The following SAXO1 variants were observed in gnomAD, a reference collection of about 807,000 sequenced individuals.
SAXO1 encodes stabilizer of axonemal microtubules 1.
A neutral mutation model predicts 17.5 loss-of-function variants in SAXO1; 21 were observed. The ratio of observed to expected loss-of-function variants is 1.20; its 90% CI spans 0.85 to 1.72. SAXO1 has a LOEUF of 1.72. Ranked by LOEUF, SAXO1 falls within the 40% of genes most tolerant of loss-of-function variation. SAXO1 has a pLI of 0.00. For missense variants in SAXO1, 843 were observed against 596.0 expected, an observed-to-expected ratio of 1.41 and a Z score of -4.32; for synonymous variants, 274 against 216.5, an observed-to-expected ratio of 1.27 and a Z score of -2.33.
At chr9:19,044,484 A>G (rs1459634883) in intron 1 of SAXO1, among the ~76,000 whole-genome samples, 1 of 152,208 alleles carries the variant, frequency 6.6e-6, no homozygotes, top group African/African-American at 2.4e-5. Flanking sequence ...TGGCAAGAAC[A>G]AAAAATGGGG....
chr9:19,023,861 G>A (rs180882839), intron 1 of SAXO1, among the ~76,000 whole-genome samples: 102 of 151,942 alleles, frequency 6.7e-4, no homozygotes, highest in Middle Eastern at 6.8e-3. Flanking sequence ...ACGAACAAAG[G>A]GGGCCAGGCA....
At chr9:18,974,346 TTGTG>T (rs1354954627) in intron 1 of SAXO1, among the ~76,000 whole-genome samples, 1 of 152,242 alleles carries the variant, frequency 6.6e-6, no homozygotes, top group Non-Finnish European at 1.5e-5. Flanking sequence ...TTCCATGTGT[TTGTG>T]TGTATTATGT....
chr9:18,965,868 T>C (rs769951720), intron 1 of SAXO1, among the ~76,000 whole-genome samples: 2 of 152,246 alleles, frequency 1.3e-5, no homozygotes, highest in Non-Finnish European at 2.9e-5. Context: ...GTTATGTTTT[T>C]GCGTGGCTGG....
At chr9:18,973,287 C>T (rs775114476) in intron 1 of SAXO1, among the ~76,000 whole-genome samples, 3 of 152,176 alleles carry the variant, frequency 2.0e-5, no homozygotes, top group Admixed American at 6.5e-5. Context: ...TATTTATGTA[C>T]AACTGCAAAC....
Position 19,003,131 on chromosome 9 carries a change from C to T in SAXO1, c.38+29740G>A, listed in dbSNP as rs138050130. Among the ~76,000 whole-genome samples, 475 of 152,276 alleles carry T rather than the reference C, an allele frequency of 3.1e-3. 9 individuals carry two copies. Among genetic ancestry groups the T allele is most frequent in the Non-Finnish European group, 4.0e-3 (270 of 68,024 alleles). ...AACAGAGAGCCAAATCATGAGTGAACTCCCATTCACTATTACTACAAAGAG... is the reference window on the plus strand; with the variant it reads ...AACAGAGAGCCAAATCATGAGTGAATTCCCATTCACTATTACTACAAAGAG... On this transcript the variant is annotated intron_variant, in intron 1 of 3. Transcript: ENST00000380534.
At chr9:18,943,752 G>A (rs771825026) in intron 2 of SAXO1, among the ~76,000 whole-genome samples, 1 of 152,212 alleles carries the variant, frequency 6.6e-6, no homozygotes, top group East Asian at 1.9e-4. Context: ...AGGAGTATCA[G>A]GAGGTACCAA....
intron 1 of SAXO1, among the ~76,000 whole-genome samples, chr9:18,956,780 T>C (rs890368805): frequency 6.6e-6 from 1 of 152,248 alleles, no homozygotes; most frequent in African/African-American, 2.4e-5. Context: ...AAAAGGCTAA[T>C]TTGTGGAGCA....
intron 1 of SAXO1, among the ~76,000 whole-genome samples, chr9:18,992,656 G>A (rs1002240788): frequency 6.6e-6 from 1 of 152,188 alleles, no homozygotes; most frequent in African/African-American, 2.4e-5. Context: ...CCAAAGTGAA[G>A]GGCAGAGGAA....
At chr9:19,045,683 G>T (rs1389388304) in intron 1 of SAXO1, among the ~76,000 whole-genome samples, 1 of 152,166 alleles carries the variant, frequency 6.6e-6, no homozygotes. Flanking sequence ...GAGGCAGGCG[G>T]CAAGACTTTC....
chr9:18,930,435 G>T (rs1830990909), intron 3 of SAXO1, among the ~76,000 whole-genome samples: 1 of 152,000 alleles, frequency 6.6e-6, no homozygotes, highest in African/African-American at 2.4e-5. Context: ...CACCAAGACT[G>T]AAAGTCTAGG....
At chr9:19,044,339 T>G (rs915465881) in intron 1 of SAXO1, among the ~76,000 whole-genome samples, 1 of 152,220 alleles carries the variant, frequency 6.6e-6, no homozygotes, top group Non-Finnish European at 1.5e-5. Flanking sequence ...TGGGTATTAC[T>G]TACTATCAAA....
intron 1 of SAXO1, among the ~76,000 whole-genome samples, chr9:19,029,247 C>G (rs372385559): frequency 6.6e-6 from 1 of 152,144 alleles, no homozygotes; most frequent in Non-Finnish European, 1.5e-5. Flanking sequence ...AGAAAAACTT[C>G]GGAAGAAGAG....
rs548284380 is a variant in SAXO1 at position 18,967,899 on chromosome 9, G to A, written c.39-16962C>T. 3.9e-5 allele frequency among the ~76,000 whole-genome samples: 6 copies of A among 152,306 alleles called. 1 individual carries two copies. In the South Asian group the frequency reaches 8.3e-4, roughly 21 times the overall value. On this transcript the variant is annotated intron_variant, in intron 1 of 3. Transcript: ENST00000380534. ...GTATAGGCACACAAGGGAATCTCCT[G>A]GTCTGCAGGTTGGGAAGACCGTTGG...
chr9:18,951,634 C>T (rs1832043771), intron 1 of SAXO1, among the ~76,000 whole-genome samples: 1 of 152,220 alleles, frequency 6.6e-6, no homozygotes, highest in South Asian at 2.1e-4. Flanking sequence ...CTACTCTTCC[C>T]TGTGTGTGCA....
intron 1 of SAXO1, among the ~76,000 whole-genome samples, chr9:19,007,566 A>G (rs535473537): frequency 6.6e-6 from 1 of 152,254 alleles, no homozygotes; most frequent in Non-Finnish European, 1.5e-5. Flanking sequence ...CCAGAGTTTT[A>G]CCCTAGGTAA....
chr9:18,993,426 G>C (rs1233315269), intron 1 of SAXO1, among the ~76,000 whole-genome samples: 1 of 152,100 alleles, frequency 6.6e-6, no homozygotes, highest in Non-Finnish European at 1.5e-5. Context: ...TAATCCTGCA[G>C]AAGCTACAGG....
intron 1 of SAXO1, among the ~76,000 whole-genome samples, chr9:18,977,446 T>C (rs772386297): frequency 6.6e-5 from 10 of 152,230 alleles, no homozygotes; most frequent in Non-Finnish European, 1.0e-4. Flanking sequence ...TATTCTCATC[T>C]ACATAGGAGG....
At position 18,992,530 on chromosome 9, in the gene SAXO1, T is replaced by G. The variant is rs759357628; in HGVS notation, c.38+40341A>C. On this transcript the variant is annotated intron_variant, in intron 1 of 3. Coordinates refer to ENST00000380534, the MANE Select transcript of SAXO1 (RefSeq NM_153707.4). Reference sequence around the variant, plus strand: ...AGATCATATTTGGAGGCTGGAGCATTAGGACTTCAAAATCTTTTGAGGTGG... The same window carrying G: ...AGATCATATTTGGAGGCTGGAGCATGAGGACTTCAAAATCTTTTGAGGTGG... Among the ~76,000 whole-genome samples the G allele has an allele frequency of 3.2e-4, 48 of 152,276 alleles. 1 individual carries two copies. The highest frequency in any genetic ancestry group is 4.0e-4 in the Non-Finnish European group (27 of 68,028).
chr9:19,028,650 A>T (rs1052217305), intron 1 of SAXO1, among the ~76,000 whole-genome samples: 1 of 152,212 alleles, frequency 6.6e-6, no homozygotes, highest in Non-Finnish European at 1.5e-5. Flanking sequence ...ATATTATGAC[A>T]TTCTATGGTA....
Sources: allele counts gnomAD v4.1 joint callset (sites outside exome capture counted in the v4.1 genomes callset), GRCh38; gene constraint gnomAD v4.1.1; transcripts MANE v1.5; gene names NCBI Gene and HGNC (gene_info 2026-07-23, HGNC 2026-07-21).